Variants in PAX2 observed in about 807,000 individuals in gnomAD.
PAX2 encodes the protein paired box protein Pax-2.
A neutral mutation model predicts 41.7 loss-of-function variants in PAX2; 9 were observed. That is an observed-to-expected ratio of 0.22 (90% confidence interval 0.13 to 0.38). The LOEUF is 0.38. PAX2 is among the 10% of genes least tolerant of loss of function. The pLI is 1.00. For missense variants in PAX2, 418 were observed against 531.6 expected, an observed-to-expected ratio of 0.79 and a Z score of 2.10; for synonymous variants, 221 against 212.7, an observed-to-expected ratio of 1.04 and a Z score of -0.34.
rs1847720993 is a variant in PAX2, at chr10:100,805,023, TACACACACA to T, written c.617-1406_617-1398del. On this transcript the variant is annotated intron_variant, in intron 5 of 9. Transcript: ENST00000355243. Reference sequence around the variant, plus strand: ...CTTCTCTCTCTCTCTCTCTCTCACATACACACACACACACACACACACACACACACACAC... The same window carrying T: ...CTTCTCTCTCTCTCTCTCTCTCACATCACACACACACACACACACACACAC... Among the ~76,000 whole-genome samples the T allele has an allele frequency of 2.6e-3, 251 of 95,020 alleles. 1 individual carries two copies. Among genetic ancestry groups the T allele is most frequent in the African/African-American group, 0.011 (238 of 22,358 alleles). 62.3% of individuals were successfully genotyped at this position (95,020 alleles called of 152,430 possible).
Position 100,826,943 on chromosome 10 carries a change from G to A in PAX2, c.1022-66G>A, listed in dbSNP as rs1269384932. The A allele has an allele frequency of 9.0e-7, 1 of 1,113,772 alleles. No homozygotes were observed. The highest frequency in any genetic ancestry group is 2.4e-5 in the East Asian group (1 of 41,202). 69.0% of individuals were successfully genotyped at this position (1,113,772 alleles called of 1,614,324 possible). A position where few individuals can be genotyped will look rare whatever the true frequency, so the allele number is the denominator to read the frequency against. On this transcript the variant is annotated intron_variant, in intron 8 of 9. Coordinates refer to ENST00000355243, the MANE Select transcript of PAX2 (RefSeq NM_000278.5). The surrounding 1 kb of genome is among the most constrained non-coding windows in gnomAD (Gnocchi z 5.5). ...GGGAGGAGCGGGCGGAGAAGCCACC[G>A]GCCGGACTCGTGGGGTCCGCCCTGG...
At chr10:100,768,780 T>C (rs1468369412) in intron 3 of PAX2, among the ~76,000 whole-genome samples, 1 of 152,204 alleles carries the variant, frequency 6.6e-6, no homozygotes, top group African/African-American at 2.4e-5. Flanking sequence ...TATATGTCAA[T>C]TGAAAAAAAT....
intron 4 of PAX2, among the ~76,000 whole-genome samples, chr10:100,780,123 T>C (rs1382284417): frequency 2.0e-5 from 3 of 152,162 alleles, no homozygotes; most frequent in Non-Finnish European, 4.4e-5. Context: ...CTCTGTTCTG[T>C]CTTCCTCCTT....
At chr10:100,792,320 C>T (rs1847155506) in intron 5 of PAX2, among the ~76,000 whole-genome samples, 1 of 152,218 alleles carries the variant, frequency 6.6e-6, no homozygotes, top group Non-Finnish European at 1.5e-5. Flanking sequence ...GGACCCTTGA[C>T]TTTAGATGAA....
chr10:100,825,111 G>C (rs1848504587), intron 8 of PAX2: 3 of 799,826 alleles, frequency 3.8e-6, no homozygotes, highest in Admixed American at 3.8e-5. Context: ...AGCCTGCCCT[G>C]GTTTCCATGG....
At chr10:100,811,264 T>C (rs1847981153) in intron 7 of PAX2, among the ~76,000 whole-genome samples, 1 of 152,256 alleles carries the variant, frequency 6.6e-6, no homozygotes, top group African/African-American at 2.4e-5. Flanking sequence ...TAAAATGTTT[T>C]TGCTGGCAAT....
chr10:100,763,336 G>T (rs533174500), intron 3 of PAX2, among the ~76,000 whole-genome samples: 2 of 152,342 alleles, frequency 1.3e-5, no homozygotes, highest in East Asian at 3.9e-4. Flanking sequence ...CCACATAATT[G>T]ATTGAATTTC....
At chr10:100,825,467 G>A (rs1190713149) in intron 8 of PAX2, among the ~76,000 whole-genome samples, 1 of 152,162 alleles carries the variant, frequency 6.6e-6, no homozygotes, top group African/African-American at 2.4e-5. Context: ...GACTGCAGCT[G>A]GAGGTTGTAC....
rs1845396762 is a variant in PAX2, at chr10:100,750,439, G to T, written c.213-255G>T. On this transcript the variant is annotated intron_variant, in intron 2 of 9. Coordinates refer to ENST00000355243, the MANE Select transcript of PAX2 (RefSeq NM_000278.5). The surrounding 1 kb of genome is among the most constrained non-coding windows in gnomAD (Gnocchi z 4.1). ...AGGCTGGGCTTTCACTCCCACGGGT[G>T]CCTATTTGGGCTGGTGCGAACCCAG... Among the ~76,000 whole-genome samples the T allele has an allele frequency of 6.6e-6, 1 of 152,160 alleles. No individual in the cohort carries two copies. The highest frequency in any genetic ancestry group is 1.5e-5 in the Non-Finnish European group (1 of 68,020).
At position 100,745,922 on chromosome 10, in the gene PAX2, G is replaced by A. The variant is rs1220421667; in HGVS notation, c.-339G>A. ...GGGAGCTGAGCGAGTCGCCTCCCCC[G>A]CCCAGCTTCAGCCCTGGCTGCAGCT... On this transcript the variant is annotated 5_prime_UTR_variant, in exon 1 of 10. Transcript: ENST00000355243. 1 of 1,165,490 alleles carries A rather than the reference G, an allele frequency of 8.6e-7. No homozygotes were observed. Among genetic ancestry groups the A allele is most frequent in the Non-Finnish European group, 1.1e-6 (1 of 944,904 alleles). 72.2% of individuals were successfully genotyped at this position (1,165,490 alleles called of 1,614,324 possible). A position where few individuals can be genotyped will look rare whatever the true frequency, so the allele number is the denominator to read the frequency against.
intron 5 of PAX2, among the ~76,000 whole-genome samples, chr10:100,797,796 G>A (rs1589868207): frequency 6.6e-6 from 1 of 152,176 alleles, no homozygotes; most frequent in Non-Finnish European, 1.5e-5. Context: ...GAGATTTATA[G>A]CAAGTGAGCA....
chr10:100,743,898 G>C (rs1845051344), upstream of PAX2, among the ~76,000 whole-genome samples: 1 of 152,220 alleles, frequency 6.6e-6, no homozygotes, highest in Non-Finnish European at 1.5e-5. Flanking sequence ...GGCAGGCGGT[G>C]AGGAGTGTTT....
In PAX2 at chr10:100,745,950, A is replaced by T. The variant is rs1436870052; in HGVS notation, c.-311A>T. The stretch of plus-strand genomic sequence containing the variant: ...CAGCTTCAGCCCTGGCTGCAGCTGC[A>T]GCGCGAGCCATGCGCCCCCAGTGCA... On this transcript the variant is annotated 5_prime_UTR_variant, in exon 1 of 10. Coordinates refer to ENST00000355243, the MANE Select transcript of PAX2 (RefSeq NM_000278.5). 3 of 1,267,094 alleles carry T rather than the reference A, an allele frequency of 2.4e-6. No individual in the cohort carries two copies. The highest frequency in any genetic ancestry group is 3.0e-6 in the Non-Finnish European group (3 of 1,005,904). 78.5% of individuals were successfully genotyped at this position (1,267,094 alleles called of 1,614,324 possible). A position where few individuals can be genotyped will look rare whatever the true frequency, so the allele number is the denominator to read the frequency against.
rs943697022 is a variant in PAX2 at position 100,829,821 on chromosome 10, C to T, written c.*2202C>T. The T allele has an allele frequency of 1.3e-4, 26 of 197,740 alleles. No homozygotes were observed. Among genetic ancestry groups the T allele is most frequent in the Non-Finnish European group, 2.5e-4 (24 of 95,192 alleles). The allele number at this position is 197,740 out of a possible 1,614,324, so 12.2% of individuals were successfully genotyped here. ...GGCCCAGGCCTAACCTGCTAAATGT[C>T]CCCGGACGGTTCTGGTCTCCTCGGC... On this transcript the variant is annotated 3_prime_UTR_variant, in exon 10 of 10. Coordinates refer to ENST00000355243, the MANE Select transcript of PAX2 (RefSeq NM_000278.5).
At chr10:100,772,171 G>A (rs1846238629) in intron 3 of PAX2, among the ~76,000 whole-genome samples, 1 of 152,162 alleles carries the variant, frequency 6.6e-6, no homozygotes, top group Non-Finnish European at 1.5e-5. Context: ...CCAGGCTGGA[G>A]TGCAATGGCA....
At position 100,828,203 on chromosome 10, in the gene PAX2, C is replaced by T. The variant is rs1848656020; in HGVS notation, c.*584C>T. 2 of 233,406 alleles carry T rather than the reference C, an allele frequency of 8.6e-6. No individual in the cohort carries two copies. Among genetic ancestry groups the T allele is most frequent in the Non-Finnish European group, 1.7e-5 (2 of 118,434 alleles). 14.5% of individuals were successfully genotyped at this position (233,406 alleles called of 1,614,324 possible). ...CCCCCAGTGCCAGCCGGACTGCCCTCGCCTTCCGGGTGTGCCCTGTCCCAG... is the reference window on the plus strand; with the variant it reads ...CCCCCAGTGCCAGCCGGACTGCCCTTGCCTTCCGGGTGTGCCCTGTCCCAG... On this transcript the variant is annotated 3_prime_UTR_variant, in exon 10 of 10. Coordinates refer to ENST00000355243, the MANE Select transcript of PAX2 (RefSeq NM_000278.5). This position sits in a 1 kb window ranked among gnomAD's most constrained non-coding sequence, Gnocchi z 6.5.
At chr10:100,799,156 G>GC (rs1847450160) in intron 5 of PAX2, among the ~76,000 whole-genome samples, 1 of 152,202 alleles carries the variant, frequency 6.6e-6, no homozygotes, top group Non-Finnish European at 1.5e-5. Flanking sequence ...AACGGGCAGA[G>GC]CCCCCATCCC....
In PAX2 at chr10:100,824,597, G is replaced by A; in HGVS notation, c.920-51G>A. On this transcript the variant is annotated intron_variant, in intron 7 of 9. Coordinates refer to ENST00000355243, the MANE Select transcript of PAX2 (RefSeq NM_000278.5). The surrounding 1 kb of genome is among the most constrained non-coding windows in gnomAD (Gnocchi z 6.6). ...CGTGCAGTACCCTGGTGTGAGTAGA[G>A]GCAGGCCCCTTTCTTCCAGGCCTCA... is the stretch of plus-strand genomic sequence containing the variant. The A allele has an allele frequency of 8.1e-7, 1 of 1,231,722 alleles. No homozygotes were observed. Among genetic ancestry groups the A allele is most frequent in the Non-Finnish European group, 1.2e-6 (1 of 830,140 alleles). The allele number at this position is 1,231,722 out of a possible 1,614,324, so 76.3% of individuals were successfully genotyped here.
intron 7 of PAX2, 122 bp downstream of exon 7, chr10:100,809,358 C>A (rs1847914715): frequency 2.0e-6 from 2 of 1,005,972 alleles, no homozygotes; most frequent in African/African-American, 1.6e-5. Context: ...GAGAACGAGG[C>A]TTCTAAAACC....
Sources: gnomAD v4.1 joint callset for allele counts (sites outside exome capture counted in the v4.1 genomes callset) on GRCh38, gnomAD v4.1.1 for gene constraint, Gnocchi (gnomAD v3.1) non-coding constraint, MANE v1.5 for transcripts, NCBI Gene and HGNC (gene_info 2026-07-23, HGNC 2026-07-21) for gene names.